The following RAD51B variants were observed in gnomAD, a reference collection of about 807,000 sequenced individuals.
RAD51B encodes the protein RAD51 paralog B.
In RAD51B, 38 loss-of-function variants were observed where a neutral mutation model predicts 42.2. That is an observed-to-expected ratio of 0.90 (90% confidence interval 0.70 to 1.18). RAD51B has a LOEUF of 1.18. Among genes scored for constraint, RAD51B ranks in the 50% most tolerant of loss-of-function variants. The pLI is 0.00. For missense variants in RAD51B, 373 were observed against 400.7 expected (o/e 0.93, Z 0.59); for synonymous variants, 154 against 145.2 (o/e 1.06, Z -0.43).
intron 11 of RAD51B, among the ~76,000 whole-genome samples, chr14:68,682,779 G>A (rs1340658421): frequency 6.6e-6 from 1 of 150,680 alleles, no homozygotes; most frequent in Non-Finnish European, 1.5e-5. Flanking sequence ...CGTGAATCTT[G>A]AGCACTGAAA....
chr14:67,999,747 A>G (rs753237707), intron 7 of RAD51B, among the ~76,000 whole-genome samples: 2 of 152,218 alleles, frequency 1.3e-5, no homozygotes, highest in Non-Finnish European at 2.9e-5. Flanking sequence ...TCCCGTTAGA[A>G]TACACATAGG....
At chr14:67,996,176 G>T (rs539409231) in intron 7 of RAD51B, among the ~76,000 whole-genome samples, 1 of 151,438 alleles carries the variant, frequency 6.6e-6, no homozygotes, top group Admixed American at 6.6e-5. Flanking sequence ...TGGGAGGATC[G>T]CTTGAGCCCA....
intron 7 of RAD51B, among the ~76,000 whole-genome samples, chr14:68,129,200 T>C (rs184566025): frequency 2.0e-5 from 3 of 152,188 alleles, no homozygotes. Context: ...CTAGGTCTCT[T>C]GGCTGCTTGT....
At position 68,107,095 on chromosome 14, in the gene RAD51B, G is replaced by C. The variant is rs561978284; in HGVS notation, c.757-184789G>C. ...TCAGTATTATTTCCCTCTTCATTAA[G>C]ATGTTTATAAACATTCAGGACTGGT... On this transcript the variant is annotated intron_variant, in intron 7 of 10. Transcript: ENST00000471583. Among the ~76,000 whole-genome samples the C allele has an allele frequency of 2.0e-5, 3 of 151,912 alleles. No homozygotes were observed. The East Asian group carries it at 5.8e-4, about 29-fold the overall frequency.
intron 10 of RAD51B, among the ~76,000 whole-genome samples, chr14:68,585,389 A>G (rs1423140997): frequency 6.6e-6 from 1 of 152,206 alleles, no homozygotes; most frequent in Non-Finnish European, 1.5e-5. Context: ...GTGGAAGTGC[A>G]GAGAGGTTCT....
chr14:67,886,191 T>C (rs944151974), intron 6 of RAD51B, among the ~76,000 whole-genome samples: 8 of 152,230 alleles, frequency 5.3e-5, no homozygotes, highest in African/African-American at 1.9e-4. Flanking sequence ...ATGTTCTGTA[T>C]TTAATTAATT....
At chr14:68,248,793 C>A (rs1463547656) in intron 7 of RAD51B, among the ~76,000 whole-genome samples, 1 of 152,116 alleles carries the variant, frequency 6.6e-6, no homozygotes, top group African/African-American at 2.4e-5. Context: ...TTCTTTTTTC[C>A]CCAGCTCCCC....
chr14:68,628,086 C>CCATCTTCTAGCATCCGAAGATGGCG (rs1892132495), intron 10 of RAD51B, among the ~76,000 whole-genome samples: 1 of 152,192 alleles, frequency 6.6e-6, no homozygotes, highest in African/African-American at 2.4e-5. Context: ...TCAAAAGTTT[C>CCATCTTCTAGCATCCGAAGATGGCG]CATCTTCTAG....
chr14:68,602,500 G>GGATA (rs1555430723), intron 10 of RAD51B, among the ~76,000 whole-genome samples: 5 of 135,260 alleles, frequency 3.7e-5, no homozygotes, highest in African/African-American at 1.4e-4. Context: ...ATGGATGGAT[G>GGATA]GATAGCTAGA....
chr14:68,014,170 TTCTC>T (rs749002580), intron 7 of RAD51B, among the ~76,000 whole-genome samples: 4 of 151,640 alleles, frequency 2.6e-5, no homozygotes, highest in African/African-American at 7.3e-5. Flanking sequence ...AGATTGCCTT[TTCTC>T]TCTCCCTCTC....
chr14:67,920,718 G>A (rs2044295270), intron 7 of RAD51B, among the ~76,000 whole-genome samples: 1 of 152,172 alleles, frequency 6.6e-6, no homozygotes, highest in African/African-American at 2.4e-5. Flanking sequence ...CTGTATGACA[G>A]GCTCTGTGCT....
intron 9 of RAD51B, among the ~76,000 whole-genome samples, chr14:68,441,796 A>G (rs997976753): frequency 6.6e-6 from 1 of 152,200 alleles, no homozygotes; most frequent in Non-Finnish European, 1.5e-5. Flanking sequence ...TGGTTCTATG[A>G]AGAAGAAGCA....
chr14:68,334,938 T>G (rs2082417953), intron 8 of RAD51B, among the ~76,000 whole-genome samples: 1 of 88,948 alleles, frequency 1.1e-5, no homozygotes, highest in African/African-American at 3.5e-5. Context: ...CACACACATA[T>G]ATAAGTATTA....
intron 7 of RAD51B, among the ~76,000 whole-genome samples, chr14:67,957,734 T>C (rs964079453): frequency 6.6e-6 from 1 of 152,210 alleles, no homozygotes; most frequent in African/African-American, 2.4e-5. Flanking sequence ...TTTTTTGATA[T>C]GGGATTTAAA....
chr14:68,006,032 G>A (rs914850074), intron 7 of RAD51B, among the ~76,000 whole-genome samples: 1 of 152,158 alleles, frequency 6.6e-6, no homozygotes, highest in Non-Finnish European at 1.5e-5. Flanking sequence ...ACTCTATGAG[G>A]AGAACAGCAC....
At chr14:67,932,973 T>C (rs1479231416) in intron 7 of RAD51B, among the ~76,000 whole-genome samples, 1 of 152,138 alleles carries the variant, frequency 6.6e-6, no homozygotes, top group African/African-American at 2.4e-5. Flanking sequence ...GCTCCTGTTG[T>C]ATATGTGTAA....
chr14:67,846,412 A>G (rs926972598), intron 4 of RAD51B, among the ~76,000 whole-genome samples: 11 of 152,166 alleles, frequency 7.2e-5, no homozygotes, highest in African/African-American at 2.7e-4. Context: ...TGGGATGCAT[A>G]TGCACATGGG....
At chr14:68,069,143 TCTTTCTTTTTAGG>T (rs2076700846) in intron 7 of RAD51B, among the ~76,000 whole-genome samples, 1 of 152,178 alleles carries the variant, frequency 6.6e-6, no homozygotes, top group African/African-American at 2.4e-5. Flanking sequence ...TGAGAATTGC[TCTTTCTTTTTAGG>T]CTACTGAGCA....
chr14:68,109,961 TAGAA>T (rs1312395090), intron 7 of RAD51B, among the ~76,000 whole-genome samples: 2 of 151,900 alleles, frequency 1.3e-5, no homozygotes. Context: ...TAACTGAACA[TAGAA>T]AGATCACACA....
Sources: gnomAD v4.1 joint callset for allele counts (sites outside exome capture counted in the v4.1 genomes callset) on GRCh38, gnomAD v4.1.1 for gene constraint, MANE v1.5 for transcripts, NCBI Gene and HGNC (gene_info 2026-07-23, HGNC 2026-07-21) for gene names.